Variants in PTBP1 observed in about 807,000 individuals in gnomAD.
The protein encoded by PTBP1 is polypyrimidine tract binding protein 1, also known as polypyrimidine tract-binding protein 1.
A neutral mutation model predicts 59.8 loss-of-function variants in PTBP1; 8 were observed. That is an observed-to-expected ratio of 0.13 (90% CI 0.08 to 0.24). PTBP1 has a LOEUF of 0.24. Among genes scored for constraint, PTBP1 ranks in the 10% least tolerant of loss-of-function variants. The probability of loss-of-function intolerance (pLI) is 1.00; values close to 1 mark genes in which losing one functional copy is unlikely to be tolerated. For missense variants in PTBP1, 686 were observed against 767.0 expected, an observed-to-expected ratio of 0.89 and a Z score of 1.25; for synonymous variants, 490 against 320.7, an observed-to-expected ratio of 1.53 and a Z score of -5.64.
intron 13 of PTBP1, 52 bp from the exon 14 acceptor site, chr19:810,490 TG>T: frequency 6.6e-7 from 1 of 1,525,174 alleles, no homozygotes; most frequent in Non-Finnish European, 9.0e-7. Flanking sequence ...CGGACCTGAC[TG>T]GGCGCCCCCA....
Position 808,284 on chromosome 19 carries a change from C to G in PTBP1, c.1154-76C>G. On this transcript the variant is annotated intron_variant, in intron 11 of 14. Coordinates refer to ENST00000356948, the MANE Select transcript of PTBP1 (RefSeq NM_002819.5). The surrounding 1 kb of genome is among the most constrained non-coding windows in gnomAD (Gnocchi z 4.7). ...GGCTGAGCCGGGCCTTGTGGGGGTG[C>G]GCGGGGCCGGGGCTGACGGGGAGAT... The G allele has an allele frequency of 8.0e-7, 1 of 1,254,950 alleles. No homozygotes were observed. Among genetic ancestry groups the G allele is most frequent in the Non-Finnish European group, 1.1e-6 (1 of 881,458 alleles). 77.7% of individuals were successfully genotyped at this position (1,254,950 alleles called of 1,614,324 possible). A position where few individuals can be genotyped will look rare whatever the true frequency, so the allele number is the denominator to read the frequency against.
In PTBP1 at chr19:797,527, GCC is replaced by G. The variant is rs761742776; in HGVS notation, c.8+25_8+26del. 1.3e-5 allele frequency: 19 copies of G among 1,494,630 alleles called. No homozygotes were observed. In the African/African-American group the frequency reaches 2.6e-4, roughly 21 times the overall value. 92.6% of individuals were successfully genotyped at this position (1,494,630 alleles called of 1,614,324 possible). A position where few individuals can be genotyped will look rare whatever the true frequency, so the allele number is the denominator to read the frequency against. On this transcript the variant is annotated intron_variant, in intron 1 of 14. Coordinates refer to ENST00000356948, the MANE Select transcript of PTBP1 (RefSeq NM_002819.5). ...ACGGGTGAGTCGCACGTCGCCCCGC[GCC>G]CCACCGCCCTCCCCGCGCCGCAGCC... is the stretch of plus-strand genomic sequence containing the variant.
At position 797,452 on chromosome 19, in the gene PTBP1, A is replaced by C. The variant is rs1277217832; in HGVS notation, c.-46A>C. 39 of 1,599,568 alleles carry C rather than the reference A, an allele frequency of 2.4e-5. No individual in the cohort carries two copies. Among genetic ancestry groups the C allele is most frequent in the Non-Finnish European group, 3.1e-5 (37 of 1,175,258 alleles). Reference sequence around the variant, plus strand: ...CGGAGCCGTTGGGTCGGTTCCTGCTATTCCGGCGCCTCCACTCCGTCCCCC... The same window carrying C: ...CGGAGCCGTTGGGTCGGTTCCTGCTCTTCCGGCGCCTCCACTCCGTCCCCC... On this transcript the variant is annotated 5_prime_UTR_variant, in exon 1 of 15. Transcript: ENST00000356948.
At chr19:799,939 T>G (rs938750994) in intron 2 of PTBP1, among the ~76,000 whole-genome samples, 1 of 152,130 alleles carries the variant, frequency 6.6e-6, no homozygotes, top group African/African-American at 2.4e-5. Flanking sequence ...TTTTGTTTTT[T>G]ATTTTTGAGA....
chr19:804,771 G>A, intron 6 of PTBP1, 58 bp from the exon 7 acceptor site: 1 of 1,609,016 alleles, frequency 6.2e-7, no homozygotes. Context: ...CACGGGAGGG[G>A]CCTGGCAGGG....
intron 10 of PTBP1, chr19:807,602 C>T: frequency 2.4e-6 from 1 of 423,650 alleles, no homozygotes; most frequent in Non-Finnish European, 4.2e-6. Flanking sequence ...AATTTCTTTG[C>T]CAACTGACTG....
At chr19:803,339 T>C (rs1035751547) in intron 2 of PTBP1, among the ~76,000 whole-genome samples, 1 of 152,114 alleles carries the variant, frequency 6.6e-6, no homozygotes, top group Non-Finnish European at 1.5e-5. Flanking sequence ...GCTTCCAGAA[T>C]TTGGAAAAAG....
At chr19:797,632 C>T (rs981105207) in intron 1 of PTBP1, 127 bp downstream of exon 1, 3 of 538,212 alleles carry the variant, frequency 5.6e-6, no homozygotes, top group South Asian at 8.2e-5. Flanking sequence ...GGGCTCTCCC[C>T]TTCCTCTCCG....
chr19:810,560 A>T lies in PTBP1; in HGVS notation c.1481A>T (p.Glu494Val). 6.2e-7 allele frequency: 1 copy of T among 1,613,480 alleles called. No homozygotes were observed. ...TCCCACAGGCCCTCAGTCTCCGAGGAGGATCTCAAGGTCCTGTTTTCCAGC... is the reference window on the plus strand; with the variant it reads ...TCCCACAGGCCCTCAGTCTCCGAGGTGGATCTCAAGGTCCTGTTTTCCAGC... ...LSNIPPSVSE[E>V]DLKVLFSSNG... The change falls in exon 14 of 15, where the codon GAG (glutamate) becomes GTG (valine). Residue 494 changes from glutamate (E) to valine (V), a missense_variant. Transcript: ENST00000356948.
rs1417979075 is a variant in PTBP1, at chr19:808,045, G to A, written c.1153+143G>A. The stretch of plus-strand genomic sequence containing the variant: ...GTTTTATGGTTTGCTTTCGGTTTGC[G>A]AATTTTATTTGGTCCCGTAGATACG... On this transcript the variant is annotated intron_variant, in intron 11 of 14. Transcript: ENST00000356948. The surrounding 1 kb of genome is among the most constrained non-coding windows in gnomAD (Gnocchi z 4.7). 7 of 805,560 alleles carry A rather than the reference G, an allele frequency of 8.7e-6. No homozygotes were observed. The highest frequency in any genetic ancestry group is 1.5e-5 in the Non-Finnish European group (7 of 469,918). 49.9% of individuals were successfully genotyped at this position (805,560 alleles called of 1,614,324 possible).
At chr19:803,464 A>G in intron 2 of PTBP1, 97 bp from the exon 3 acceptor site, 1 of 1,018,342 alleles carries the variant, frequency 9.8e-7, no homozygotes, top group South Asian at 1.4e-5. Context: ...GGGGTCTGGG[A>G]CCCCAGGCAG....
rs956454201 is a variant in PTBP1, at chr19:812,020, A to G, written c.*1194A>G. 1 of 152,166 alleles carries G rather than the reference A, an allele frequency of 6.6e-6. No homozygotes were observed. Among genetic ancestry groups the G allele is most frequent in the Non-Finnish European group, 1.5e-5 (1 of 68,004 alleles). 9.4% of individuals were successfully genotyped at this position (152,166 alleles called of 1,614,324 possible). ...AAAAGCGTGTAACAAGGGTGTAAAT[A>G]TTTATAATTTTTTATACCTGTTGTG... On this transcript the variant is annotated 3_prime_UTR_variant, in exon 15 of 15. Transcript: ENST00000356948.
rs947007024 is a variant in PTBP1 at position 803,655 on chromosome 19, C to G, written c.115+19C>G. 5 of 1,609,232 alleles carry G rather than the reference C, an allele frequency of 3.1e-6. No homozygotes were observed. The African/African-American group carries it at 6.7e-5, about 22-fold the overall frequency. On this transcript the variant is annotated intron_variant, in intron 3 of 14. Coordinates refer to ENST00000356948, the MANE Select transcript of PTBP1 (RefSeq NM_002819.5). ...TCTGCAGGTAAGGCCGGGACTCGGC[C>G]CAGGGCAAGACCCGTGGGTGTCTTT...
chr19:810,543 G>A lies in PTBP1; in HGVS notation c.1464G>A (p.Pro488=), dbSNP rs140316841. 3.1e-5 allele frequency: 50 copies of A among 1,612,702 alleles called. No individual in the cohort carries two copies. Among genetic ancestry groups the A allele is most frequent in the Non-Finnish European group, 3.9e-5 (46 of 1,179,624 alleles). The change falls in exon 14 of 15, where the codon CCG becomes CCA. Residue 488 remains proline, a splice_region_variant and synonymous_variant. Coordinates refer to ENST00000356948, the MANE Select transcript of PTBP1 (RefSeq NM_002819.5). The part of the protein sequence containing the change: ...PSATLHLSNI[P]PSVSEEDLKV... ...GGCTCACGCCTTTCTCCTCCCACAG[G>A]CCCTCAGTCTCCGAGGAGGATCTCA...
At position 805,088 on chromosome 19, in the gene PTBP1, G is replaced by A. The variant is rs540806046; in HGVS notation, c.793G>A (p.Val265Ile). 1.1e-5 allele frequency: 17 copies of A among 1,613,880 alleles called. No individual in the cohort carries two copies. The South Asian group carries it at 1.6e-4, about 16-fold the overall frequency. ...IDFSKLTSLN[V>I]KYNNDKSRDY... is the part of the protein sequence containing the mutation. ...CTTTTCCAAGCTCACCAGCCTCAAC[G>A]TCAAGTACAACAATGACAAGAGCCG... The change falls in exon 8 of 15, where the codon GTC becomes ATC. Residue 265 changes from valine (V) to isoleucine (I), a missense_variant. By Grantham distance (29) the Val-to-Ile change is conservative. Transcript: ENST00000356948.
chr19:805,652 C>G (rs1028389517), intron 9 of PTBP1, 83 bp downstream of exon 9: 34 of 1,219,516 alleles, frequency 2.8e-5, no homozygotes, highest in Middle Eastern at 1.9e-4. Context: ...ACGGCGGCAG[C>G]CTGGGCGGAC....
intron 10 of PTBP1, 134 bp downstream of exon 10, chr19:806,690 C>G: frequency 1.3e-6 from 1 of 788,416 alleles, no homozygotes; most frequent in Non-Finnish European, 1.9e-6. Flanking sequence ...CCCTCTGCTG[C>G]AGCGCTGAGA....
chr19:797,570 C>A, intron 1 of PTBP1, 65 bp downstream of exon 1: 2 of 1,226,108 alleles, frequency 1.6e-6, no homozygotes, highest in South Asian at 2.1e-5. Flanking sequence ...CCCGCCGCCG[C>A]GCCGGCCTCC....
chr19:810,747 A>G lies in PTBP1; in HGVS notation c.1595A>G (p.Gln532Arg). The G allele has an allele frequency of 1.9e-6, 3 of 1,607,992 alleles. No homozygotes were observed. The highest frequency in any genetic ancestry group is 2.5e-6 in the Non-Finnish European group (3 of 1,178,278). The change falls in exon 15 of 15, where the codon CAG becomes CGG. Residue 532 changes from glutamine (Q) to arginine (R), a missense_variant. Physicochemically the swap from Gln to Arg is conservative, Grantham distance 43 (BLOSUM62 1). Coordinates refer to ENST00000356948, the MANE Select transcript of PTBP1 (RefSeq NM_002819.5). ...ATGGGCTCCGTGGAGGAGGCGGTCC[A>G]GGCCCTCATTGACCTGCACAACCAC... ...IQMGSVEEAVQALIDLHNHDL... is the reference protein window; with the variant it reads ...IQMGSVEEAVRALIDLHNHDL...
Sources: gnomAD v4.1 joint callset for allele counts (sites outside exome capture counted in the v4.1 genomes callset) on GRCh38, gnomAD v4.1.1 for gene constraint, Gnocchi (gnomAD v3.1) non-coding constraint, MANE v1.5 for transcripts, NCBI Gene and HGNC (gene_info 2026-07-23, HGNC 2026-07-21) for gene names.